Variants in COL8A1 observed in about 807,000 individuals in gnomAD.
COL8A1 encodes collagen type VIII alpha 1 chain.
Under a neutral mutation model 42.7 loss-of-function variants are expected in COL8A1, and 21 were observed. The ratio of observed to expected loss-of-function variants is 0.49; its 90% CI spans 0.35 to 0.71. COL8A1 has a LOEUF of 0.71. Among genes scored for constraint, COL8A1 ranks in the 30% least tolerant of loss-of-function variants. The pLI is 0.01. For missense variants in COL8A1, 788 were observed against 962.4 expected (o/e 0.82, Z 2.40); for synonymous variants, 367 against 369.1 (o/e 0.99, Z 0.06).
chr3:99,762,427 C>T (rs536818474), intron 2 of COL8A1, among the ~76,000 whole-genome samples: 4 of 152,162 alleles, frequency 2.6e-5, no homozygotes, highest in Non-Finnish European at 5.9e-5. Flanking sequence ...ATCCTTCTGC[C>T]TTGTCAGTAT....
At position 99,796,871 on chromosome 3, in the gene COL8A1, T is replaced by C. The variant is rs1323834622; in HGVS notation, c.*735T>C. ...TTTGTGGAGCATTAGACAGTAACCC[T>C]CAAGGAGCTAGAGAACCGGATGGGA... On this transcript the variant is annotated 3_prime_UTR_variant, in exon 4 of 4. Transcript: ENST00000652472. 1 of 152,208 alleles carries C rather than the reference T, an allele frequency of 6.6e-6. No homozygotes were observed. The highest frequency in any genetic ancestry group is 1.9e-4 in the East Asian group (1 of 5,200). The allele number at this position is 152,208 out of a possible 1,614,324, so 9.4% of individuals were successfully genotyped here.
intron 1 of COL8A1, among the ~76,000 whole-genome samples, chr3:99,692,938 C>A (rs1209824255): frequency 6.6e-6 from 1 of 152,268 alleles, no homozygotes; most frequent in Non-Finnish European, 1.5e-5. Flanking sequence ...GCAGGCAGAT[C>A]ATTTGAGGTC....
chr3:99,722,318 T>G (rs1202596608), intron 1 of COL8A1, among the ~76,000 whole-genome samples: 1 of 152,108 alleles, frequency 6.6e-6, no homozygotes, highest in Non-Finnish European at 1.5e-5. Flanking sequence ...AACTCTTATA[T>G]ATGATATCAA....
chr3:99,697,643 G>C (rs908928861), intron 1 of COL8A1, among the ~76,000 whole-genome samples: 1 of 152,070 alleles, frequency 6.6e-6, no homozygotes, highest in African/African-American at 2.4e-5. Context: ...CTAACAATGA[G>C]GACTACAAAT....
intron 1 of COL8A1, among the ~76,000 whole-genome samples, chr3:99,732,981 ATT>A (rs1940564949): frequency 6.6e-6 from 1 of 152,102 alleles, no homozygotes; most frequent in African/African-American, 2.4e-5. Context: ...GTAGCCAAAT[ATT>A]AAAGCTCCAG....
rs191356356 is a variant in COL8A1, at chr3:99,694,016, A to G, written c.-128-50881A>G. 1.4e-3 allele frequency among the ~76,000 whole-genome samples: 208 copies of G among 152,354 alleles called. 1 individual carries two copies. Among genetic ancestry groups the G allele is most frequent in the South Asian group, 5.2e-3 (25 of 4,830 alleles). ...AGTATTCAGCACAGAAACTTGCTGT[A>G]CAAGTTTGTAGCCTAGGAGCAACAG... On this transcript the variant is annotated intron_variant, in intron 1 of 3. Coordinates refer to ENST00000652472, the MANE Select transcript of COL8A1 (RefSeq NM_020351.4).
At chr3:99,739,098 G>A (rs569970505) in intron 1 of COL8A1, among the ~76,000 whole-genome samples, 91 of 152,034 alleles carry the variant, frequency 6.0e-4, no homozygotes, top group African/African-American at 2.0e-3. Context: ...CACGGTGCGC[G>A]CACCCACTGA....
At chr3:99,713,254 T>C (rs1405537010) in intron 1 of COL8A1, among the ~76,000 whole-genome samples, 1 of 152,118 alleles carries the variant, frequency 6.6e-6, no homozygotes, top group African/African-American at 2.4e-5. Flanking sequence ...AAGCCAGAGT[T>C]AATGTCATGA....
intron 2 of COL8A1, among the ~76,000 whole-genome samples, chr3:99,748,251 G>A (rs1019844555): frequency 6.6e-6 from 1 of 152,180 alleles, no homozygotes; most frequent in Non-Finnish European, 1.5e-5. Context: ...TGGTGGCAAA[G>A]CAGGAATGAC....
At chr3:99,641,263 A>T (rs1304397122) in intron 1 of COL8A1, among the ~76,000 whole-genome samples, 2 of 152,162 alleles carry the variant, frequency 1.3e-5, no homozygotes, top group African/African-American at 4.8e-5. Flanking sequence ...CCCAACCCTC[A>T]TTTATGTGAA....
chr3:99,791,139 T>A lies in COL8A1; in HGVS notation c.328+129T>A, dbSNP rs1941993093. The A allele has an allele frequency of 1.7e-5, 13 of 779,448 alleles. No individual in the cohort carries two copies. In the South Asian group the frequency reaches 2.3e-4, roughly 14 times the overall value. The allele number at this position is 779,448 out of a possible 1,614,324, so 48.3% of individuals were successfully genotyped here. A position where few individuals can be genotyped will look rare whatever the true frequency, so the allele number is the denominator to read the frequency against. On this transcript the variant is annotated intron_variant, in intron 3 of 3. Coordinates refer to ENST00000652472, the MANE Select transcript of COL8A1 (RefSeq NM_020351.4). ...TTGTTACTGGCATTTTTAAAATGCC[T>A]ACTGTGTTCTAACCATATTCTTGAA...
At chr3:99,761,054 C>T (rs1007252716) in intron 2 of COL8A1, among the ~76,000 whole-genome samples, 5 of 152,160 alleles carry the variant, frequency 3.3e-5, no homozygotes, top group Non-Finnish European at 7.3e-5. Context: ...AGTCAAAGAA[C>T]GTCTTCTAGT....
chr3:99,650,178 A>T (rs946648916), intron 1 of COL8A1, among the ~76,000 whole-genome samples: 7 of 152,222 alleles, frequency 4.6e-5, no homozygotes, highest in African/African-American at 1.7e-4. Flanking sequence ...TTCTCCTTTC[A>T]ACCTGTCAGA....
chr3:99,663,844 G>A (rs968371084), intron 1 of COL8A1, among the ~76,000 whole-genome samples: 1 of 152,280 alleles, frequency 6.6e-6, no homozygotes, highest in East Asian at 1.9e-4. Context: ...AATGATTAAT[G>A]TAGGTTATTT....
At chr3:99,691,680 A>G (rs1939222769) in intron 1 of COL8A1, 1 of 145,658 alleles carries the variant, frequency 6.9e-6, no homozygotes, top group Non-Finnish European at 1.5e-5. Flanking sequence ...GGGAAGAATT[A>G]GCAGTGAGCT....
chr3:99,743,404 T>C (rs1388486894), intron 1 of COL8A1, among the ~76,000 whole-genome samples: 1 of 152,334 alleles, frequency 6.6e-6, no homozygotes, highest in East Asian at 1.9e-4. Flanking sequence ...CCTTCAGGCC[T>C]GAACACACAT....
intron 1 of COL8A1, among the ~76,000 whole-genome samples, chr3:99,738,302 T>G (rs1386738514): frequency 6.6e-6 from 1 of 152,248 alleles, no homozygotes; most frequent in African/African-American, 2.4e-5. Context: ...AGAGGCACTC[T>G]GATTTTTAGA....
rs115724191 is a variant in COL8A1 at position 99,757,366 on chromosome 3, T to C, written c.-4+12345T>C. Among the ~76,000 whole-genome samples, 1,092 of 152,296 alleles carry C rather than the reference T, an allele frequency of 7.2e-3. 13 individuals are homozygous for C. Among genetic ancestry groups the C allele is most frequent in the African/African-American group, 0.024 (998 of 41,572 alleles). ...AACCTCTTGTTGACCATTCATGACA[T>C]TGACTAAGCATTAACAGATTTTTAT... is the stretch of plus-strand genomic sequence containing the variant. On this transcript the variant is annotated intron_variant, in intron 2 of 3. Coordinates refer to ENST00000652472, the MANE Select transcript of COL8A1 (RefSeq NM_020351.4).
chr3:99,691,706 A>ATT lies in COL8A1; in HGVS notation c.-129+53042_-129+53043insTT, dbSNP rs1447480530. On this transcript the variant is annotated intron_variant, in intron 1 of 3. Transcript: ENST00000652472. Reference sequence around the variant, plus strand: ...GCAGTGAGCTTTTTTTTTTTTTAAAAAAAAAAAAAAAAAAGCCTCTAGTAA... The same window carrying ATT: ...GCAGTGAGCTTTTTTTTTTTTTAAAATTAAAAAAAAAAAAAAGCCTCTAGTAA... The ATT allele has an allele frequency of 3.9e-3, 495 of 127,580 alleles. 2 individuals are homozygous for ATT. Among genetic ancestry groups the ATT allele is most frequent in the African/African-American group, 0.013 (463 of 36,528 alleles). The allele number at this position is 127,580 out of a possible 1,614,324, so 7.9% of individuals were successfully genotyped here. A position where few individuals can be genotyped will look rare whatever the true frequency, so the allele number is the denominator to read the frequency against.
Sources: allele counts gnomAD v4.1 joint callset (sites outside exome capture counted in the v4.1 genomes callset), GRCh38; gene constraint gnomAD v4.1.1; transcripts MANE v1.5; gene names NCBI Gene and HGNC (gene_info 2026-07-23, HGNC 2026-07-21).